LDB2: variants seen among roughly 807,000 people sequenced by gnomAD.
LDB2 encodes the protein LIM domain binding 2.
Under a neutral mutation model 44.3 loss-of-function variants are expected in LDB2, and 12 were observed. The observed-to-expected ratio is 0.27, with a 90% CI of 0.17 to 0.44. The LOEUF is 0.44. Ranked by LOEUF, LDB2 falls within the 20% of genes least tolerant of loss-of-function variation. The probability of loss-of-function intolerance (pLI) is 1.00; values close to 1 mark genes in which losing one functional copy is unlikely to be tolerated. For synonymous variants in LDB2, 164 were observed against 174.8 expected (o/e 0.94, Z 0.49); for missense variants, 344 against 473.5 (o/e 0.73, Z 2.54).
intron 1 of LDB2, among the ~76,000 whole-genome samples, chr4:16,839,442 C>T (rs1204723121): frequency 6.6e-6 from 1 of 152,162 alleles, no homozygotes. Context: ...CATGAGGGAT[C>T]CACCTCCATG....
chr4:16,762,802 G>C (rs1017235679), intron 1 of LDB2, among the ~76,000 whole-genome samples: 2 of 152,108 alleles, frequency 1.3e-5, no homozygotes, highest in Non-Finnish European at 2.9e-5. Context: ...AGGCAAAAAA[G>C]TCAATAGAAA....
intron 1 of LDB2, among the ~76,000 whole-genome samples, chr4:16,854,813 T>C (rs574162284): frequency 3.9e-4 from 60 of 152,054 alleles, no homozygotes; most frequent in South Asian, 4.2e-4. Flanking sequence ...ATTTTAAGCC[T>C]TTCTATGTTA....
At chr4:16,773,220 C>T (rs964625843) in intron 1 of LDB2, among the ~76,000 whole-genome samples, 1 of 152,180 alleles carries the variant, frequency 6.6e-6, no homozygotes, top group Non-Finnish European at 1.5e-5. Context: ...CAGTCCCCAA[C>T]CTTTTTGGCA....
At chr4:16,539,973 C>T (rs1733189467) in intron 5 of LDB2, among the ~76,000 whole-genome samples, 1 of 152,118 alleles carries the variant, frequency 6.6e-6, no homozygotes, top group African/African-American at 2.4e-5. Flanking sequence ...GTTCTTCAGG[C>T]TTAACAGGAA....
At chr4:16,544,981 G>A (rs1735184273) in intron 5 of LDB2, among the ~76,000 whole-genome samples, 1 of 152,140 alleles carries the variant, frequency 6.6e-6, no homozygotes, top group Admixed American at 6.5e-5. Flanking sequence ...GCAAGAGATG[G>A]AGAGAGAACA....
chr4:16,659,803 G>A (rs899693171), intron 2 of LDB2, among the ~76,000 whole-genome samples: 3 of 152,068 alleles, frequency 2.0e-5, no homozygotes, highest in Middle Eastern at 6.8e-3. Flanking sequence ...CACAATAGGA[G>A]TCATGTGACT....
intron 6 of LDB2, among the ~76,000 whole-genome samples, chr4:16,509,297 GT>G (rs1446843956): frequency 4.6e-5 from 7 of 152,108 alleles, no homozygotes; most frequent in African/African-American, 1.7e-4. Flanking sequence ...AATACCCATG[GT>G]TTGGGCCCTG....
chr4:16,809,075 C>T (rs1162407459), intron 1 of LDB2, among the ~76,000 whole-genome samples: 1 of 152,174 alleles, frequency 6.6e-6, no homozygotes, highest in African/African-American at 2.4e-5. Flanking sequence ...TCTTTTTCTA[C>T]TTCCTCAGGC....
At chr4:16,882,153 G>A (rs569501815) in intron 1 of LDB2, among the ~76,000 whole-genome samples, 1 of 152,264 alleles carries the variant, frequency 6.6e-6, no homozygotes, top group African/African-American at 2.4e-5. Flanking sequence ...ATAACTGGAG[G>A]TTCAGCTGGC....
chr4:16,542,930 C>T (rs1734367074), intron 5 of LDB2, among the ~76,000 whole-genome samples: 1 of 113,074 alleles, frequency 8.8e-6, no homozygotes. Flanking sequence ...CCCCCTCCCC[C>T]CACCCCACCA....
At chr4:16,793,864 C>G (rs1276282897) in intron 1 of LDB2, among the ~76,000 whole-genome samples, 3 of 152,028 alleles carry the variant, frequency 2.0e-5, no homozygotes, top group Non-Finnish European at 4.4e-5. Flanking sequence ...AGGCTCTATC[C>G]CCATTTTACA....
At chr4:16,809,215 A>T (rs1037681802) in intron 1 of LDB2, among the ~76,000 whole-genome samples, 2 of 152,220 alleles carry the variant, frequency 1.3e-5, no homozygotes, top group African/African-American at 4.8e-5. Flanking sequence ...CAGATGCTAC[A>T]TAACAGATAT....
intron 2 of LDB2, among the ~76,000 whole-genome samples, chr4:16,610,328 C>T (rs1306649310): frequency 6.6e-6 from 1 of 152,130 alleles, no homozygotes; most frequent in Non-Finnish European, 1.5e-5. Flanking sequence ...CGCAACATCT[C>T]TCCATCAAGG....
chr4:16,521,491 A>G (rs1180332888), intron 5 of LDB2, among the ~76,000 whole-genome samples: 1 of 152,130 alleles, frequency 6.6e-6, no homozygotes, highest in Non-Finnish European at 1.5e-5. Flanking sequence ...AACTGATAAC[A>G]TCTGCAAAGA....
intron 2 of LDB2, among the ~76,000 whole-genome samples, chr4:16,705,867 T>A (rs2152645889): frequency 6.6e-6 from 1 of 152,254 alleles, no homozygotes; most frequent in Non-Finnish European, 1.5e-5. Context: ...TCCAATCAGA[T>A]ATAAATTTAA....
intron 2 of LDB2, among the ~76,000 whole-genome samples, chr4:16,718,852 T>A (rs1480359692): frequency 2.0e-5 from 3 of 152,138 alleles, no homozygotes; most frequent in Non-Finnish European, 1.5e-5. Context: ...AATGCTGCAG[T>A]AATAAATGAC....
At chr4:16,742,350 C>A (rs371183119) in intron 2 of LDB2, among the ~76,000 whole-genome samples, 1 of 152,040 alleles carries the variant, frequency 6.6e-6, no homozygotes. Context: ...GATTACAGGC[C>A]TTAGCCACCG....
chr4:16,844,180 C>T (rs1295456634), intron 1 of LDB2, among the ~76,000 whole-genome samples: 2 of 134,104 alleles, frequency 1.5e-5, no homozygotes, highest in Non-Finnish European at 3.1e-5. Context: ...TCGCGTAAGC[C>T]TAGAAGGTGA....
intron 2 of LDB2, among the ~76,000 whole-genome samples, chr4:16,619,356 TGA>T (rs892061111): frequency 2.6e-5 from 4 of 152,154 alleles, no homozygotes; most frequent in Non-Finnish European, 5.9e-5. Flanking sequence ...GTCCTTCTGC[TGA>T]GAGGATAAAT....
Sources: allele counts gnomAD v4.1 joint callset (sites outside exome capture counted in the v4.1 genomes callset), GRCh38; gene constraint gnomAD v4.1.1; transcripts MANE v1.5; gene names NCBI Gene and HGNC (gene_info 2026-07-23, HGNC 2026-07-21).